Variants in RYR3 observed in about 807,000 individuals in gnomAD.
The protein encoded by RYR3 is brain ryanodine receptor-calcium release channel.
A neutral mutation model predicts 584.3 loss-of-function variants in RYR3; 207 were observed. That is an observed-to-expected ratio of 0.35 (90% CI 0.32 to 0.40). The LOEUF (loss-of-function observed/expected upper bound fraction) is 0.40, where lower values mean the gene tolerates loss of function less well. Among genes scored for constraint, RYR3 ranks in the 10% least tolerant of loss-of-function variants. RYR3 has a pLI of 1.00. For synonymous variants in RYR3, 2,416 were observed against 2,248.5 expected (o/e 1.07, Z -2.11); for missense variants, 5,616 against 6,089.2 (o/e 0.92, Z 2.59).
intron 65 of RYR3, among the ~76,000 whole-genome samples, chr15:33,782,947 G>A (rs1362174627): frequency 1.3e-5 from 2 of 152,150 alleles, no homozygotes; most frequent in African/African-American, 2.4e-5. Context: ...AACACTAGAT[G>A]TCAGACCAAA....
intron 69 of RYR3, among the ~76,000 whole-genome samples, chr15:33,804,980 T>G (rs2076106776): frequency 6.6e-6 from 1 of 152,194 alleles, no homozygotes; most frequent in African/African-American, 2.4e-5. Context: ...TGTTACTACT[T>G]GATTAGTTGA....
intron 1 of RYR3, among the ~76,000 whole-genome samples, chr15:33,419,411 G>A (rs566794268): frequency 1.3e-5 from 2 of 152,250 alleles, no homozygotes; most frequent in Admixed American, 6.5e-5. Flanking sequence ...TTTTGGAGGT[G>A]CATTGTGTGC....
At chr15:33,572,656 TATACAC>T (rs2058088652) in intron 12 of RYR3, among the ~76,000 whole-genome samples, 1 of 124,432 alleles carries the variant, frequency 8.0e-6, no homozygotes, top group Admixed American at 8.5e-5. Flanking sequence ...AAAAACTATA[TATACAC>T]ACACACACAC....
chr15:33,584,992 T>C (rs1387488530), intron 15 of RYR3, among the ~76,000 whole-genome samples: 1 of 152,126 alleles, frequency 6.6e-6, no homozygotes, highest in Non-Finnish European at 1.5e-5. Flanking sequence ...TCCTCCCTCA[T>C]GACTTACGGA....
At position 33,674,269 on chromosome 15, in the gene RYR3, G is replaced by C. The variant is rs559022634; in HGVS notation, c.5860+3713G>C. On this transcript the variant is annotated intron_variant, in intron 38 of 103. Transcript: ENST00000634891. ...ACATGCAAAGTGAGATAACTTAGTA[G>C]TAAGTACATCTGCAGAGCTCAGGCA... is the stretch of plus-strand genomic sequence containing the variant. Among the ~76,000 whole-genome samples, 7 of 152,302 alleles carry C rather than the reference G, an allele frequency of 4.6e-5. No homozygotes were observed. In the East Asian group the frequency reaches 1.4e-3, roughly 29 times the overall value.
intron 38 of RYR3, 67 bp from the exon 39 acceptor site, chr15:33,696,151 G>A: frequency 6.8e-7 from 1 of 1,480,062 alleles, no homozygotes; most frequent in African/African-American, 1.4e-5. Context: ...GCATGAAGTG[G>A]CTGAAACACC....
At chr15:33,411,842 C>T (rs2043432665) in intron 1 of RYR3, among the ~76,000 whole-genome samples, 1 of 152,174 alleles carries the variant, frequency 6.6e-6, no homozygotes, top group Admixed American at 6.5e-5. Context: ...GCCTCAACTG[C>T]AAGCCTCAAG....
At chr15:33,829,364 A>G (rs1567263343) in intron 85 of RYR3, among the ~76,000 whole-genome samples, 1 of 152,184 alleles carries the variant, frequency 6.6e-6, no homozygotes. Context: ...TCGTAAGGCT[A>G]CAGCTGCTAC....
At chr15:33,637,650 T>C (rs926859631) in intron 27 of RYR3, among the ~76,000 whole-genome samples, 1 of 152,248 alleles carries the variant, frequency 6.6e-6, no homozygotes, top group Non-Finnish European at 1.5e-5. Flanking sequence ...TACAACTGCA[T>C]AGGCAAGAGA....
intron 3 of RYR3, among the ~76,000 whole-genome samples, chr15:33,513,447 T>TGAC (rs1439180187): frequency 6.6e-6 from 1 of 152,178 alleles, no homozygotes; most frequent in Non-Finnish European, 1.5e-5. Flanking sequence ...GCTAAAATGA[T>TGAC]GACGTGGAAT....
intron 94 of RYR3, chr15:33,850,844 C>T (rs1157594572): frequency 6.6e-6 from 1 of 152,074 alleles, no homozygotes; most frequent in Admixed American, 6.6e-5. Context: ...TTTTGATGTT[C>T]ATTAGTGGTT....
At chr15:33,638,690 A>G (rs1026261941) in intron 27 of RYR3, among the ~76,000 whole-genome samples, 1 of 152,232 alleles carries the variant, frequency 6.6e-6, no homozygotes, top group African/African-American at 2.4e-5. Context: ...TGCAAATGTG[A>G]GTAGTAGCAG....
chr15:33,538,017 T>C (rs1161046665), intron 5 of RYR3, among the ~76,000 whole-genome samples: 2 of 151,996 alleles, frequency 1.3e-5, no homozygotes, highest in Non-Finnish European at 2.9e-5. Context: ...GATCAGTGAG[T>C]ATTTTTCTTT....
At chr15:33,830,622 C>CT (rs5811797) in intron 85 of RYR3, among the ~76,000 whole-genome samples, 56,733 of 152,054 alleles carry the variant, frequency 0.37, 11,450 homozygotes, top group South Asian at 0.61. Flanking sequence ...ACGTCTGGCA[C>CT]TTACAATATT....
intron 38 of RYR3, among the ~76,000 whole-genome samples, chr15:33,686,400 C>T (rs2065012019): frequency 6.6e-6 from 1 of 152,274 alleles, no homozygotes; most frequent in African/African-American, 2.4e-5. Flanking sequence ...TCTGAATAGA[C>T]CAATAACAGG....
Position 33,748,227 on chromosome 15 carries a change from T to G in RYR3, c.8103T>G (p.Asn2701Lys), listed in dbSNP as rs192820783. 4.3e-5 allele frequency: 70 copies of G among 1,613,514 alleles called. 1 individual carries two copies. The Admixed American group carries it at 5.0e-4, about 12-fold the overall frequency. The change falls in exon 54 of 104, where the codon AAT becomes AAG. Residue 2701 changes from asparagine to lysine, a missense_variant. Coordinates refer to ENST00000634891, the MANE Select transcript of RYR3 (RefSeq NM_001036.6). ...EGEALVQQRE[N>K]EKLRSVSQAN... ...AAGCTTTGGTTCAACAGCGGGAAAA[T>G]GAGAAGCTTCGAAGTGTGTCCCAGG...
At chr15:33,372,087 C>G (rs1445746479) in intron 1 of RYR3, among the ~76,000 whole-genome samples, 1 of 152,204 alleles carries the variant, frequency 6.6e-6, no homozygotes, top group Non-Finnish European at 1.5e-5. Flanking sequence ...GCTGACTACT[C>G]TATATGAATT....
chr15:33,527,340 G>A (rs2054476323), intron 3 of RYR3, among the ~76,000 whole-genome samples: 2 of 152,148 alleles, frequency 1.3e-5, no homozygotes, highest in African/African-American at 4.8e-5. Flanking sequence ...CAGCACTTTG[G>A]GAGGCTGAGG....
intron 89 of RYR3, 106 bp downstream of exon 89, chr15:33,839,064 T>C (rs1458551262): frequency 1.4e-5 from 19 of 1,339,882 alleles, no homozygotes; most frequent in Middle Eastern, 2.7e-4. Flanking sequence ...CAACACTCTA[T>C]GTTAGACAGT....
Sources: allele counts gnomAD v4.1 joint callset (sites outside exome capture counted in the v4.1 genomes callset), GRCh38; gene constraint gnomAD v4.1.1; transcripts MANE v1.5; gene names NCBI Gene and HGNC (gene_info 2026-07-23, HGNC 2026-07-21).